Variants in BIRC6 observed in about 807,000 individuals in gnomAD.
BIRC6 encodes the protein baculoviral IAP repeat containing 6.
In BIRC6, 98 loss-of-function variants were observed where a neutral mutation model predicts 503.3. That is an observed-to-expected ratio of 0.19 (90% CI 0.17 to 0.23). The LOEUF is 0.23. Ranked by LOEUF, BIRC6 falls within the 10% of genes least tolerant of loss-of-function variation. BIRC6 has a pLI of 1.00. For missense variants in BIRC6, 5,360 were observed against 5,806.0 expected (o/e 0.92, Z 2.50); for synonymous variants, 2,240 against 2,078.7 (o/e 1.08, Z -2.11).
chr2:32,488,593 G>A lies in BIRC6; in HGVS notation c.7974G>A (p.Glu2658=). 1.3e-6 allele frequency: 2 copies of A among 1,519,736 alleles called. No homozygotes were observed. Among genetic ancestry groups the A allele is most frequent in the South Asian group, 2.5e-5 (2 of 78,832 alleles). The allele number at this position is 1,519,736 out of a possible 1,614,324, so 94.1% of individuals were successfully genotyped here. ...TGATTTTCATTCTTTTTCAGTTGGAGTCACTTCTCCAATTGTGGCTCACAC... is the reference window on the plus strand; with the variant it reads ...TGATTTTCATTCTTTTTCAGTTGGAATCACTTCTCCAATTGTGGCTCACAC... ...SMLQVHHVQL[E]SLLQLWLTLS... Residue 2658 remains glutamate (E), a synonymous_variant, in exon 42 of 74, where the codon GAG becomes GAA. Transcript: ENST00000421745.
Position 32,515,665 on chromosome 2 carries a change from A to G in BIRC6, c.11244A>G (p.Thr3748=), listed in dbSNP as rs374648106. Residue 3748 remains threonine, a synonymous_variant, in exon 55 of 74, where the codon ACA becomes ACG. Transcript: ENST00000421745. ...ARSASLSSAA[T]TGLTTQQRTA... Reference sequence around the variant, plus strand: ...CAGCTTCTCTTTCTTCAGCTGCTACAACAGGACTGACTACTCAACAGCGCA... The same window carrying G: ...CAGCTTCTCTTTCTTCAGCTGCTACGACAGGACTGACTACTCAACAGCGCA... The G allele has an allele frequency of 5.0e-6, 8 of 1,608,800 alleles. No individual in the cohort carries two copies. In the South Asian group the frequency reaches 7.7e-5, roughly 15 times the overall value.
At chr2:32,442,944 G>C (rs1422275395) in intron 19 of BIRC6, among the ~76,000 whole-genome samples, 1 of 152,046 alleles carries the variant, frequency 6.6e-6, no homozygotes, top group Non-Finnish European at 1.5e-5. Context: ...ACTGTAGCTA[G>C]TACTGAGCCA....
chr2:32,468,873 T>C (rs2148960846), intron 29 of BIRC6, 90 bp downstream of exon 29: 1 of 1,031,084 alleles, frequency 9.7e-7, no homozygotes, highest in South Asian at 2.2e-5. Context: ...ATATTTTCTA[T>C]TGTAAATTTT....
intron 11 of BIRC6, among the ~76,000 whole-genome samples, chr2:32,430,326 C>A (rs2043956305): frequency 6.6e-6 from 1 of 152,116 alleles, no homozygotes; most frequent in Admixed American, 6.5e-5. Context: ...TCTTATAATA[C>A]TAGCATGTAT....
rs532377028 is a variant in BIRC6, at chr2:32,473,022, T to C, written c.6593-90T>C. 1.4e-5 allele frequency: 16 copies of C among 1,126,670 alleles called. No homozygotes were observed. In the East Asian group the frequency reaches 4.0e-4, roughly 28 times the overall value. The allele number at this position is 1,126,670 out of a possible 1,614,324, so 69.8% of individuals were successfully genotyped here. The stretch of plus-strand genomic sequence containing the variant: ...AACTGCTTTTCATGATTGACACATG[T>C]ATAACTGTGTTTTTTGTTTTCTGGG... On this transcript the variant is annotated intron_variant, in intron 32 of 73. Transcript: ENST00000421745.
At chr2:32,521,913 T>C (rs1286357573) in intron 57 of BIRC6, 1 of 152,174 alleles carries the variant, frequency 6.6e-6, no homozygotes, top group Non-Finnish European at 1.5e-5. Context: ...GATTAGAGTT[T>C]GTCGAGTTTC....
At chr2:32,371,891 C>A (rs2036021646) in intron 1 of BIRC6, among the ~76,000 whole-genome samples, 2 of 152,022 alleles carry the variant, frequency 1.3e-5, no homozygotes, top group African/African-American at 4.8e-5. Context: ...CTGCAACCTC[C>A]ACCTCCCTGG....
intron 66 of BIRC6, among the ~76,000 whole-genome samples, chr2:32,578,908 G>A (rs1422923327): frequency 6.9e-6 from 1 of 144,286 alleles, no homozygotes; most frequent in East Asian, 2.0e-4. Context: ...GGTGAATAAA[G>A]TACATGTATT....
chr2:32,570,140 C>A (rs1352285410), intron 65 of BIRC6, among the ~76,000 whole-genome samples: 2 of 151,998 alleles, frequency 1.3e-5, no homozygotes, highest in Admixed American at 1.3e-4. Context: ...TTATCACATG[C>A]TTTTTCAACA....
intron 65 of BIRC6, among the ~76,000 whole-genome samples, chr2:32,566,631 G>C (rs1245691146): frequency 5.9e-5 from 9 of 152,088 alleles, no homozygotes; most frequent in African/African-American, 2.2e-4. Context: ...GGGATTATAG[G>C]CATGAGCCAC....
chr2:32,495,680 C>T (rs1019500961), intron 45 of BIRC6, among the ~76,000 whole-genome samples: 5 of 151,594 alleles, frequency 3.3e-5, no homozygotes, highest in African/African-American at 1.2e-4. Context: ...CACACAAAGT[C>T]TTAAATACCC....
At chr2:32,525,089 G>A (rs1273434917) in intron 58 of BIRC6, 70 bp downstream of exon 58, 3 of 1,274,938 alleles carry the variant, frequency 2.4e-6, no homozygotes, top group African/African-American at 3.1e-5. Context: ...TTTAGTTACA[G>A]GAAATTTATG....
At chr2:32,590,445 G>C (rs532359333) in intron 66 of BIRC6, among the ~76,000 whole-genome samples, 62 of 152,194 alleles carry the variant, frequency 4.1e-4, no homozygotes, top group Non-Finnish European at 7.8e-4. Context: ...AAGGGTTAAA[G>C]GGGTCTTGTT....
At chr2:32,564,180 T>C (rs1343558477) in intron 65 of BIRC6, 2 of 152,252 alleles carry the variant, frequency 1.3e-5, no homozygotes, top group East Asian at 3.8e-4. Context: ...TCTATCCTTA[T>C]ATAGAGTTGC....
At chr2:32,498,414 C>G (rs1342209669) in intron 45 of BIRC6, among the ~76,000 whole-genome samples, 1 of 152,130 alleles carries the variant, frequency 6.6e-6, no homozygotes, top group Non-Finnish European at 1.5e-5. Flanking sequence ...TATTTAATCA[C>G]ATTCCACTTT....
chr2:32,468,033 A>G lies in BIRC6; in HGVS notation c.5702A>G (p.Glu1901Gly). 6.2e-7 allele frequency: 1 copy of G among 1,613,828 alleles called. No individual in the cohort carries two copies. Among genetic ancestry groups the G allele is most frequent in the African/African-American group, 1.3e-5 (1 of 75,014 alleles). Residue 1901 changes from glutamate (E) to glycine (G), a missense_variant, in exon 28 of 74, where the codon GAG becomes GGG. Glu to Gly is a moderately conservative substitution (Grantham distance 98). This residue lies in a region of BIRC6 where 2,299 missense variants were observed against 2,267.2 expected (regional missense o/e 1.01). Coordinates refer to ENST00000421745, the MANE Select transcript of BIRC6 (RefSeq NM_016252.4). ...TTAATGCATGATCCTCTAAAGGGAG[A>G]GGGAGAATCTGCAAACCAGCCAGAA... ...LKLMHDPLKGEGESANQPEID... is the reference protein window; with the variant it reads ...LKLMHDPLKGGGESANQPEID...
At chr2:32,554,108 G>A (rs1186339482) in intron 65 of BIRC6, among the ~76,000 whole-genome samples, 3 of 152,122 alleles carry the variant, frequency 2.0e-5, no homozygotes, top group Admixed American at 2.0e-4. Flanking sequence ...TTAACAGGCA[G>A]AATGTTACTT....
chr2:32,451,261 C>T (rs2046695464), intron 22 of BIRC6, among the ~76,000 whole-genome samples: 1 of 152,210 alleles, frequency 6.6e-6, no homozygotes, highest in Non-Finnish European at 1.5e-5. Flanking sequence ...TGATTTGGCT[C>T]TCTTTTCCTT....
intron 1 of BIRC6, among the ~76,000 whole-genome samples, chr2:32,375,788 A>G (rs2036678934): frequency 6.9e-6 from 1 of 145,590 alleles, no homozygotes; most frequent in African/African-American, 2.6e-5. Context: ...TAATCATATG[A>G]CTTGTCCCTG....
Sources: gnomAD v4.1 joint callset for allele counts (sites outside exome capture counted in the v4.1 genomes callset) on GRCh38, gnomAD v4.1.1 for gene constraint, gnomAD v4.1.1 regional missense constraint, MANE v1.5 for transcripts, NCBI Gene and HGNC (gene_info 2026-07-23, HGNC 2026-07-21) for gene names.